Variants in NLGN1 observed in about 807,000 individuals in gnomAD.
NLGN1 encodes the protein neuroligin 1, also known as neuroligin-1.
In NLGN1, 12 loss-of-function variants were observed where a neutral mutation model predicts 65.5. The ratio of observed to expected loss-of-function variants is 0.18; its 90% confidence interval spans 0.12 to 0.30. The LOEUF is 0.30. Ranked by LOEUF, NLGN1 falls within the 10% of genes least tolerant of loss-of-function variation. The pLI is 1.00. For missense variants in NLGN1, 750 were observed against 1,007.1 expected (o/e 0.74, Z 3.46); for synonymous variants, 350 against 359.5 (o/e 0.97, Z 0.30).
intron 3 of NLGN1, among the ~76,000 whole-genome samples, chr3:173,681,069 T>G (rs1475554676): frequency 6.6e-6 from 1 of 152,202 alleles, no homozygotes; most frequent in African/African-American, 2.4e-5. Context: ...TATTTGAAAT[T>G]TTTTAGGCTA....
chr3:174,261,947 G>A (rs1300498178), intron 4 of NLGN1, among the ~76,000 whole-genome samples: 2 of 145,956 alleles, frequency 1.4e-5, no homozygotes, highest in East Asian at 4.1e-4. Context: ...ATAATCATGT[G>A]GTTTTTGTCT....
intron 4 of NLGN1, among the ~76,000 whole-genome samples, chr3:173,831,954 C>CTT (rs1722669677): frequency 6.7e-6 from 1 of 150,150 alleles, no homozygotes; most frequent in African/African-American, 2.5e-5. Context: ...CTATATTCTA[C>CTT]TTTCTTTTTC....
intron 4 of NLGN1, among the ~76,000 whole-genome samples, chr3:173,921,284 T>G (rs1337417674): frequency 5.4e-5 from 8 of 147,758 alleles, no homozygotes; most frequent in Non-Finnish European, 8.9e-5. Context: ...TATTATACAT[T>G]TAATATATAT....
chr3:173,461,466 G>A, intron 2 of NLGN1, among the ~76,000 whole-genome samples: 1 of 151,758 alleles, frequency 6.6e-6, no homozygotes. Context: ...CCATTATATA[G>A]ACATGGATAC....
At chr3:173,522,783 G>T (rs527355452) in intron 2 of NLGN1, among the ~76,000 whole-genome samples, 19 of 152,102 alleles carry the variant, frequency 1.2e-4, no homozygotes, top group South Asian at 4.2e-4. Flanking sequence ...GGGTAGATAC[G>T]CAGTAGTGGG....
chr3:173,548,482 CA>C (rs1439114193), intron 2 of NLGN1, among the ~76,000 whole-genome samples: 298 of 112,362 alleles, frequency 2.7e-3, no homozygotes, highest in African/African-American at 9.4e-3. Context: ...CAGCACCTCA[CA>C]TTTTTTTTTT....
chr3:173,432,288 T>G (rs1717326430), intron 1 of NLGN1, among the ~76,000 whole-genome samples: 2 of 152,222 alleles, frequency 1.3e-5, no homozygotes, highest in Admixed American at 6.5e-5. Flanking sequence ...TAAGTACTTC[T>G]GTAAGAAATT....
intron 2 of NLGN1, among the ~76,000 whole-genome samples, chr3:173,503,980 T>C (rs946877852): frequency 3.9e-5 from 6 of 152,094 alleles, no homozygotes; most frequent in Non-Finnish European, 8.8e-5. Context: ...ATATGAGTTA[T>C]TGGTAGCAAG....
chr3:173,737,282 C>G (rs1057140510), intron 3 of NLGN1, among the ~76,000 whole-genome samples: 1 of 151,792 alleles, frequency 6.6e-6, no homozygotes, highest in African/African-American at 2.4e-5. Context: ...CCAGACAATC[C>G]ACCTATTTAA....
At chr3:173,495,464 A>G (rs1382570850) in intron 2 of NLGN1, among the ~76,000 whole-genome samples, 1 of 151,676 alleles carries the variant, frequency 6.6e-6, no homozygotes, top group South Asian at 2.1e-4. Context: ...TAATGTTTAT[A>G]CATTTTATTT....
chr3:173,730,055 A>T (rs563871762), intron 3 of NLGN1, among the ~76,000 whole-genome samples: 19 of 152,020 alleles, frequency 1.2e-4, no homozygotes, highest in Admixed American at 9.9e-4. Context: ...AAAACTATTT[A>T]TTGAGTGCCT....
At chr3:173,685,399 G>A (rs76180780) in intron 3 of NLGN1, among the ~76,000 whole-genome samples, 6,173 of 152,188 alleles carry the variant, frequency 0.041, 283 homozygotes, top group African/African-American at 0.097. Flanking sequence ...AGAGCTAAAC[G>A]TGTTTTAAAT....
intron 2 of NLGN1, among the ~76,000 whole-genome samples, chr3:173,486,236 G>C (rs1269104083): frequency 6.6e-6 from 1 of 151,732 alleles, no homozygotes; most frequent in Non-Finnish European, 1.5e-5. Flanking sequence ...TTAGCTTTTA[G>C]TTTTTAGTAG....
chr3:173,408,626 G>T (rs544926661), intron 1 of NLGN1, among the ~76,000 whole-genome samples: 1 of 152,074 alleles, frequency 6.6e-6, no homozygotes, highest in Non-Finnish European at 1.5e-5. Flanking sequence ...AAGAATAGGC[G>T]CATTGGCCGG....
intron 3 of NLGN1, among the ~76,000 whole-genome samples, chr3:173,655,505 G>C (rs1183976495): frequency 6.6e-6 from 1 of 151,510 alleles, no homozygotes; most frequent in South Asian, 2.1e-4. Context: ...ATCATTTTGA[G>C]CTACATTTTT....
At chr3:173,645,649 G>A (rs1758133754) in intron 3 of NLGN1, among the ~76,000 whole-genome samples, 1 of 152,206 alleles carries the variant, frequency 6.6e-6, no homozygotes, top group Non-Finnish European at 1.5e-5. Flanking sequence ...AGAGTTCTCA[G>A]TCACTTAGGC....
At chr3:173,556,803 C>A (rs75419422) in intron 2 of NLGN1, among the ~76,000 whole-genome samples, 2 of 150,982 alleles carry the variant, frequency 1.3e-5, no homozygotes, top group African/African-American at 2.4e-5. Flanking sequence ...GGACCTGTCT[C>A]AAAAAAAGGA....
intron 4 of NLGN1, among the ~76,000 whole-genome samples, chr3:173,827,919 T>C (rs759184832): frequency 6.6e-6 from 1 of 151,992 alleles, no homozygotes; most frequent in Non-Finnish European, 1.5e-5. Flanking sequence ...CTGCCCACAT[T>C]GGTGAGGGCA....
intron 3 of NLGN1, among the ~76,000 whole-genome samples, chr3:173,739,693 A>G (rs1157086114): frequency 6.6e-6 from 1 of 152,142 alleles, no homozygotes; most frequent in East Asian, 1.9e-4. Context: ...GAAAATGGCA[A>G]AATATAAATG....
Sources: gnomAD v4.1 joint callset for allele counts (sites outside exome capture counted in the v4.1 genomes callset) on GRCh38, gnomAD v4.1.1 for gene constraint, MANE v1.5 for transcripts, NCBI Gene and HGNC (gene_info 2026-07-23, HGNC 2026-07-21) for gene names.